Variants in PUM3 observed in about 807,000 individuals in gnomAD.
PUM3 encodes the protein pumilio RNA binding family member 3.
PUM3 carries 91 observed loss-of-function variants against 84.0 expected under a neutral mutation model. The ratio of observed to expected loss-of-function variants is 1.08; its 90% CI spans 0.91 to 1.29. The LOEUF is 1.29. Ranked by LOEUF, PUM3 falls within the 50% of genes most tolerant of loss-of-function variation. The pLI is 0.00. For missense variants in PUM3, 1,067 were observed against 767.5 expected, an observed-to-expected ratio of 1.39 and a Z score of -4.61; for synonymous variants, 321 against 266.7, an observed-to-expected ratio of 1.20 and a Z score of -1.98.
At chr9:2,824,873 T>A in intron 10 of PUM3, 58 bp from the exon 11 acceptor site, 4 of 1,243,456 alleles carry the variant, frequency 3.2e-6, no homozygotes, top group Non-Finnish European at 4.4e-6. Context: ...TTTCTACTGT[T>A]TTATCTGTCT....
At chr9:2,819,971 C>A (rs371386272) in intron 13 of PUM3, 47 bp downstream of exon 13, 12 of 1,258,614 alleles carry the variant, frequency 9.5e-6, no homozygotes, top group Non-Finnish European at 1.4e-5. Context: ...ACATCCACAA[C>A]TGGTTTATCG....
chr9:2,840,505 G>C (rs1176728384), intron 1 of PUM3, among the ~76,000 whole-genome samples: 1 of 152,170 alleles, frequency 6.6e-6, no homozygotes, highest in Non-Finnish European at 1.5e-5. Flanking sequence ...CATTTAAATG[G>C]TGATCTTCTA....
At chr9:2,842,795 C>G (rs1476796858) in intron 1 of PUM3, among the ~76,000 whole-genome samples, 1 of 152,156 alleles carries the variant, frequency 6.6e-6, no homozygotes, top group African/African-American at 2.4e-5. Flanking sequence ...ATGTCCAAAA[C>G]ATAATTCTCT....
chr9:2,816,516 A>C (rs535404222), intron 13 of PUM3, among the ~76,000 whole-genome samples: 8 of 152,336 alleles, frequency 5.3e-5, no homozygotes, highest in Non-Finnish European at 1.2e-4. Context: ...TGTTATATGT[A>C]GTTTACCTCA....
At chr9:2,807,736 A>G in intron 17 of PUM3, 78 bp downstream of exon 17, 5 of 904,752 alleles carry the variant, frequency 5.5e-6, no homozygotes. Context: ...AAATATTAGA[A>G]CTGAGAAATC....
chr9:2,818,128 C>G (rs1821511457), intron 13 of PUM3, among the ~76,000 whole-genome samples: 1 of 152,210 alleles, frequency 6.6e-6, no homozygotes. Context: ...TTTTAAAAAG[C>G]ACTGCATACT....
Position 2,837,231 on chromosome 9 carries a change from C to A in PUM3, c.253G>T (p.Ala85Ser). 1 of 1,614,084 alleles carries A rather than the reference C, an allele frequency of 6.2e-7. No homozygotes were observed. The highest frequency in any genetic ancestry group is 1.7e-5 in the Admixed American group (1 of 60,020). The change falls in exon 3 of 18, where the codon GCA (alanine) becomes TCA (serine). Residue 85 changes from alanine to serine, a missense_variant. Coordinates refer to ENST00000397885, the MANE Select transcript of PUM3 (RefSeq NM_014878.5). ...DKSPKNKFQP[A>S]NKFNKKRKFQ... ...TTTCTCTTCTTGTTGAATTTATTTG[C>A]CGGCTGGAATTTGTTCTTTGGTGAT...
At chr9:2,832,816 TC>T (rs1816020523) in intron 5 of PUM3, among the ~76,000 whole-genome samples, 1 of 152,200 alleles carries the variant, frequency 6.6e-6, no homozygotes, top group Admixed American at 6.5e-5. Context: ...TCTGTTGTCT[TC>T]CAAGCCATTA....
At chr9:2,815,407 G>A (rs1019548654) in intron 13 of PUM3, among the ~76,000 whole-genome samples, 5 of 152,150 alleles carry the variant, frequency 3.3e-5, no homozygotes, top group Admixed American at 3.3e-4. Flanking sequence ...ATTATCACAT[G>A]GTGTGTACTA....
At chr9:2,811,302 A>G (rs1193811456) in intron 15 of PUM3, 59 bp downstream of exon 15, 1 of 1,530,628 alleles carries the variant, frequency 6.5e-7, no homozygotes, top group Non-Finnish European at 9.0e-7. Context: ...CACATCGTCC[A>G]AAAACGAAGT....
At chr9:2,841,908 AT>A (rs1405719238) in intron 1 of PUM3, among the ~76,000 whole-genome samples, 2 of 152,154 alleles carry the variant, frequency 1.3e-5, no homozygotes, top group African/African-American at 2.4e-5. Context: ...GCTTCAACAA[AT>A]GGCTAAGACT....
chr9:2,813,825 G>T (rs1479236231), intron 13 of PUM3, among the ~76,000 whole-genome samples: 1 of 152,050 alleles, frequency 6.6e-6, no homozygotes, highest in African/African-American at 2.4e-5. Flanking sequence ...TTGCACAAAA[G>T]TATAGCATGC....
chr9:2,830,013 C>A (rs62534390), intron 7 of PUM3, 65 bp from the exon 8 acceptor site: 1 of 1,427,698 alleles, frequency 7.0e-7, no homozygotes, highest in South Asian at 1.2e-5. Context: ...CAATAAAACA[C>A]AACTTACTTC....
intron 1 of PUM3, among the ~76,000 whole-genome samples, chr9:2,841,037 C>T (rs1212743059): frequency 6.6e-6 from 1 of 152,204 alleles, no homozygotes; most frequent in Non-Finnish European, 1.5e-5. Flanking sequence ...GAAGCTCATA[C>T]TGATGTTTCC....
At position 2,804,445 on chromosome 9, in the gene PUM3, G is replaced by T; in HGVS notation, c.1833C>A (p.Asp611Glu). 6.2e-7 allele frequency: 1 copy of T among 1,613,512 alleles called. No homozygotes were observed. The highest frequency in any genetic ancestry group is 8.5e-7 in the Non-Finnish European group (1 of 1,179,782). ...IILSSLLQSC[D>E]LEVANKVKAA... ...CTTTGACTTTGTTTGCAACTTCCAG[G>T]TCACAACTCTGGAGGAGGCTGAAGA... The change falls in exon 18 of 18, where the codon GAC (aspartate) becomes GAA (glutamate). Residue 611 changes from aspartate to glutamate, a missense_variant. Asp to Glu is a conservative substitution (Grantham distance 45). Coordinates refer to ENST00000397885, the MANE Select transcript of PUM3 (RefSeq NM_014878.5).
rs966272220 is a variant in PUM3, at chr9:2,810,212, A to T, written c.1723+132T>A. 9.3e-6 allele frequency: 6 copies of T among 641,858 alleles called. No individual in the cohort carries two copies. In the African/African-American group the frequency reaches 9.4e-5, roughly 10 times the overall value. The allele number at this position is 641,858 out of a possible 1,614,324, so 39.8% of individuals were successfully genotyped here. A position where few individuals can be genotyped will look rare whatever the true frequency, so the allele number is the denominator to read the frequency against. ...ACCAGCAACCACTGAATCATTTCTTATTCACAGACACCATTTCTAGACACT... is the reference window on the plus strand; with the variant it reads ...ACCAGCAACCACTGAATCATTTCTTTTTCACAGACACCATTTCTAGACACT... On this transcript the variant is annotated intron_variant, in intron 16 of 17. Coordinates refer to ENST00000397885, the MANE Select transcript of PUM3 (RefSeq NM_014878.5).
At chr9:2,843,573 CTTTTTTTTTT>C (rs34837134) in intron 1 of PUM3, among the ~76,000 whole-genome samples, 2 of 96,400 alleles carry the variant, frequency 2.1e-5, no homozygotes, top group African/African-American at 4.1e-5. Flanking sequence ...TCCCGCCCTT[CTTTTTTTTTT>C]TTTTTTTTTT....
At position 2,822,609 on chromosome 9, in the gene PUM3, A is replaced by G. The variant is rs1815682595; in HGVS notation, c.1188+1172T>C. On this transcript the variant is annotated intron_variant, in intron 12 of 17. Transcript: ENST00000397885. ...CTCTTAATACCTTTGTGAATTTTCT[A>G]TTAACATTCTAGTTTTTACTCATTT... 2.0e-5 allele frequency among the ~76,000 whole-genome samples: 3 copies of G among 151,316 alleles called. No homozygotes were observed. The South Asian group carries it at 6.2e-4, about 31-fold the overall frequency.
At chr9:2,815,014 T>G (rs1206772846) in intron 13 of PUM3, among the ~76,000 whole-genome samples, 1 of 152,198 alleles carries the variant, frequency 6.6e-6, no homozygotes, top group Non-Finnish European at 1.5e-5. Context: ...TTTTATAAAA[T>G]GAGAAACTGG....
Sources: allele counts gnomAD v4.1 joint callset (sites outside exome capture counted in the v4.1 genomes callset), GRCh38; gene constraint gnomAD v4.1.1; transcripts MANE v1.5; gene names NCBI Gene and HGNC (gene_info 2026-07-23, HGNC 2026-07-21).